The following HMCN1 variants were observed in gnomAD, a reference collection of about 807,000 sequenced individuals.
HMCN1 encodes hemicentin-1.
HMCN1 carries 321 observed loss-of-function variants against 625.9 expected under a neutral mutation model. The ratio of observed to expected loss-of-function variants is 0.51; its 90% CI spans 0.47 to 0.56. The LOEUF is 0.56. HMCN1 is among the 20% of genes least tolerant of loss of function. HMCN1 has a pLI of 0.00. For missense variants in HMCN1, 6,588 were observed against 6,887.3 expected (o/e 0.96, Z 1.54); for synonymous variants, 2,425 against 2,417.6 (o/e 1.00, Z -0.09).
intron 11 of HMCN1, among the ~76,000 whole-genome samples, chr1:185,937,899 A>C (rs1436146409): frequency 3.4e-5 from 5 of 147,530 alleles, no homozygotes; most frequent in Non-Finnish European, 6.0e-5. Context: ...AATAATAATA[A>C]TAATAATAAT....
At chr1:185,954,641 A>T (rs10911787) in intron 11 of HMCN1, among the ~76,000 whole-genome samples, 6,247 of 152,256 alleles carry the variant, frequency 0.041, 282 homozygotes, top group African/African-American at 0.11. Context: ...CCACTTAAAA[A>T]AATACTGACA....
In HMCN1 at chr1:186,117,461, C is replaced by G; in HGVS notation, c.11686C>G (p.Pro3896Ala). 6.2e-7 allele frequency: 1 copy of G among 1,613,406 alleles called. No homozygotes were observed. The highest frequency in any genetic ancestry group is 8.5e-7 in the Non-Finnish European group (1 of 1,179,636). Residue 3896 changes from proline to alanine, a missense_variant and splice_region_variant, in exon 77 of 107, where the codon CCA (proline) becomes GCA (alanine). Physicochemically the swap from Pro to Ala is conservative, Grantham distance 27. Transcript: ENST00000271588. ...TTTTGTTGTTGTTGTTGTTTTAGTTCCACCTTCCATAGCTGATGAGCCTAC... is the reference window on the plus strand; with the variant it reads ...TTTTGTTGTTGTTGTTGTTTTAGTTGCACCTTCCATAGCTGATGAGCCTAC... Reference protein sequence around the residue: ...KRTVDLTVQVPPSIADEPTDF... With the variant: ...KRTVDLTVQVAPSIADEPTDF...
At chr1:186,159,436 G>A (rs1485292123) in intron 97 of HMCN1, among the ~76,000 whole-genome samples, 2 of 152,046 alleles carry the variant, frequency 1.3e-5, no homozygotes, top group African/African-American at 2.4e-5. Context: ...AATTGCCCTG[G>A]CCAGAACTTC....
At chr1:186,187,038 G>T (rs1023032995) in intron 105 of HMCN1, among the ~76,000 whole-genome samples, 1 of 87,946 alleles carries the variant, frequency 1.1e-5, no homozygotes, top group Admixed American at 1.1e-4. Context: ...ACACACACAC[G>T]CATGCAAACA....
chr1:185,990,799 G>A (rs1366631446), intron 22 of HMCN1, among the ~76,000 whole-genome samples: 2 of 152,162 alleles, frequency 1.3e-5, no homozygotes, highest in Admixed American at 6.5e-5. Context: ...ACACTCTAAT[G>A]TCTAGGATTT....
chr1:185,834,224 G>A (rs1661036926), intron 1 of HMCN1, among the ~76,000 whole-genome samples: 1 of 152,174 alleles, frequency 6.6e-6, no homozygotes, highest in South Asian at 2.1e-4. Context: ...CCAAAACTTA[G>A]TGCTATTTAA....
chr1:186,177,875 T>C (rs543010670), intron 103 of HMCN1, among the ~76,000 whole-genome samples: 2 of 151,898 alleles, frequency 1.3e-5, no homozygotes, highest in African/African-American at 4.8e-5. Context: ...GATTCCACAC[T>C]CTCTTGTACC....
chr1:185,958,262 G>T (rs1649761673), intron 11 of HMCN1, among the ~76,000 whole-genome samples: 1 of 152,122 alleles, frequency 6.6e-6, no homozygotes, highest in East Asian at 1.9e-4. Context: ...GGGACTACAG[G>T]CATGCACCAC....
In HMCN1 at chr1:186,136,809, G is replaced by A. The variant is rs374051668; in HGVS notation, c.13454G>A (p.Arg4485Gln). 5 of 1,613,982 alleles carry A rather than the reference G, an allele frequency of 3.1e-6. No individual in the cohort carries two copies. The highest frequency in any genetic ancestry group is 2.2e-5 in the East Asian group (1 of 44,868). The change falls in exon 87 of 107, where the codon CGG becomes CAG. Residue 4485 changes from arginine (R) to glutamine (Q), a missense_variant. Arg to Gln is a conservative substitution (Grantham distance 43, BLOSUM62 1). This residue lies in a region of HMCN1 where 1,954 missense variants were observed against 2,013.1 expected (regional missense o/e 0.97). Coordinates refer to ENST00000271588, the MANE Select transcript of HMCN1 (RefSeq NM_031935.3). ...GGGCACTCTATTTCCTGGGATGACC[G>A]GGTTAACGTGTTGTCCAACAACTCA... is the stretch of plus-strand genomic sequence containing the variant. ...RQGHSISWDD[R>Q]VNVLSNNSLY...
At position 186,038,557 on chromosome 1, in the gene HMCN1, A is replaced by G. The variant is rs375254852; in HGVS notation, c.5852-272A>G. Among the ~76,000 whole-genome samples, 48 of 152,312 alleles carry G rather than the reference A, an allele frequency of 3.2e-4. No homozygotes were observed. The East Asian group carries it at 5.0e-3, about 16-fold the overall frequency. ...CATACAACAAAAAATAGATAGGTTG[A>G]AAGTTTGCTATTAAATAATACTGAT... On this transcript the variant is annotated intron_variant, in intron 37 of 106. Transcript: ENST00000271588.
chr1:185,923,751 C>A lies in HMCN1; in HGVS notation c.1285+98C>A, dbSNP rs1667116294. ...CGGACTATCAAATAAAAAATAATGTCTTCATATTATTACTGCATCACCAAA... is the reference window on the plus strand; with the variant it reads ...CGGACTATCAAATAAAAAATAATGTATTCATATTATTACTGCATCACCAAA... On this transcript the variant is annotated intron_variant, in intron 8 of 106. Coordinates refer to ENST00000271588, the MANE Select transcript of HMCN1 (RefSeq NM_031935.3). 4 of 1,013,272 alleles carry A rather than the reference C, an allele frequency of 3.9e-6. No homozygotes were observed. The East Asian group carries it at 9.5e-5, about 24-fold the overall frequency. 62.8% of individuals were successfully genotyped at this position (1,013,272 alleles called of 1,614,324 possible). A position where few individuals can be genotyped will look rare whatever the true frequency, so the allele number is the denominator to read the frequency against.
At chr1:186,126,389 G>A (rs1389666413) in intron 82 of HMCN1, among the ~76,000 whole-genome samples, 1 of 152,066 alleles carries the variant, frequency 6.6e-6, no homozygotes, top group Non-Finnish European at 1.5e-5. Context: ...TTGCCCTCAT[G>A]GAGTTTATAT....
At position 186,130,118 on chromosome 1, in the gene HMCN1, A is replaced by G; in HGVS notation, c.13039+18A>G. The stretch of plus-strand genomic sequence containing the variant: ...TGTGAAAGGTAGGGAAAAGCGCTCC[A>G]TTTTTAATTTATAATGCATTCATAA... On this transcript the variant is annotated intron_variant, in intron 84 of 106. Coordinates refer to ENST00000271588, the MANE Select transcript of HMCN1 (RefSeq NM_031935.3). The G allele has an allele frequency of 3.1e-6, 5 of 1,612,742 alleles. No homozygotes were observed. The highest frequency in any genetic ancestry group is 1.1e-5 in the South Asian group (1 of 91,060).
At chr1:186,171,945 T>C in intron 101 of HMCN1, 61 bp from the exon 102 acceptor site, 1 of 1,527,674 alleles carries the variant, frequency 6.5e-7, no homozygotes, top group Non-Finnish European at 9.0e-7. Flanking sequence ...AAGTATGATT[T>C]CTCTGGAAAA....
intron 4 of HMCN1, among the ~76,000 whole-genome samples, chr1:185,870,322 T>C (rs987014780): frequency 1.2e-4 from 18 of 152,114 alleles, no homozygotes; most frequent in Non-Finnish European, 2.4e-4. Context: ...TAAGAAAAAG[T>C]CCAAGTTGGA....
At chr1:186,114,214 G>A (rs1661021506) in intron 73 of HMCN1, 91 bp downstream of exon 73, 1 of 1,274,342 alleles carries the variant, frequency 7.8e-7, no homozygotes, top group Admixed American at 1.8e-5. Context: ...GTCTCATTAT[G>A]TTTAGAATCA....
intron 1 of HMCN1, among the ~76,000 whole-genome samples, chr1:185,762,093 A>G (rs1034005222): frequency 6.6e-6 from 1 of 152,180 alleles, no homozygotes; most frequent in Non-Finnish European, 1.5e-5. Flanking sequence ...GCACTCGAGG[A>G]AAAAAAGAGG....
intron 11 of HMCN1, among the ~76,000 whole-genome samples, chr1:185,951,032 G>A (rs1464659297): frequency 6.6e-6 from 1 of 151,284 alleles, no homozygotes; most frequent in Non-Finnish European, 1.5e-5. Context: ...CGTGCTGCGG[G>A]ATGGGATATT....
chr1:185,961,131 A>G (rs1055391482), intron 11 of HMCN1, among the ~76,000 whole-genome samples: 2 of 152,190 alleles, frequency 1.3e-5, no homozygotes, highest in African/African-American at 2.4e-5. Context: ...CAGGAAAAAA[A>G]GGGGAGGGGG....
Sources: gnomAD v4.1 joint callset for allele counts (sites outside exome capture counted in the v4.1 genomes callset) on GRCh38, gnomAD v4.1.1 for gene constraint, gnomAD v4.1.1 regional missense constraint, MANE v1.5 for transcripts, NCBI Gene and HGNC (gene_info 2026-07-23, HGNC 2026-07-21) for gene names.